MTUS1: variants seen among roughly 807,000 people sequenced by gnomAD.
The protein encoded by MTUS1 is microtubule-associated tumor suppressor 1.
Under a neutral mutation model 120.8 loss-of-function variants are expected in MTUS1, and 109 were observed. The observed-to-expected ratio is 0.90, with a 90% CI of 0.77 to 1.06. The LOEUF is 1.06. Ranked by LOEUF, MTUS1 falls within the 50% of genes least tolerant of loss-of-function variation. The pLI, the probability that MTUS1 is intolerant of heterozygous loss-of-function variation, is 0.00. For missense variants in MTUS1, 2,210 were observed against 1,486.3 expected (o/e 1.49, Z -8.01); for synonymous variants, 737 against 550.5 (o/e 1.34, Z -4.74).
chr8:17,684,226 C>T, intron 7 of MTUS1, 102 bp downstream of exon 7: 17 of 809,024 alleles, frequency 2.1e-5, no homozygotes, highest in Non-Finnish European at 3.6e-5. Flanking sequence ...TGATCTTTCC[C>T]ATCATTTACC....
Position 17,721,626 on chromosome 8 carries a change from C to G in MTUS1, c.2449+2046G>C. 5 of 1,416,604 alleles carry G rather than the reference C, an allele frequency of 3.5e-6. No individual in the cohort carries two copies. The South Asian group carries it at 6.4e-5, about 18-fold the overall frequency. 87.8% of individuals were successfully genotyped at this position (1,416,604 alleles called of 1,614,324 possible). A position where few individuals can be genotyped will look rare whatever the true frequency, so the allele number is the denominator to read the frequency against. On this transcript the variant is annotated intron_variant, in intron 4 of 14. Transcript: ENST00000693296. ...TACCATAAATTACAAGTTACAAAAA[C>G]AGAAGTCAAGAGATCCTAAATCAAT...
rs201831729 is a variant in MTUS1, at chr8:17,649,829, T to G, written c.3501+17A>C. On this transcript the variant is annotated intron_variant, in intron 13 of 14. Transcript: ENST00000693296. ...ACCCCATTTGTAAGATCCTCTTTCA[T>G]TCTGAAGGAAACATACCAGTTTCTC... 6.6e-6 allele frequency: 9 copies of G among 1,367,052 alleles called. No individual in the cohort carries two copies. Among genetic ancestry groups the G allele is most frequent in the African/African-American group, 1.4e-5 (1 of 70,048 alleles). The allele number at this position is 1,367,052 out of a possible 1,614,324, so 84.7% of individuals were successfully genotyped here.
intron 1 of MTUS1, among the ~76,000 whole-genome samples, chr8:17,773,604 C>G (rs1313601832): frequency 6.6e-6 from 1 of 152,138 alleles, no homozygotes; most frequent in Admixed American, 6.6e-5. Flanking sequence ...TGGAGAAGGG[C>G]ATCACATAGT....
chr8:17,769,232 CTTT>C (rs35061390), intron 1 of MTUS1, among the ~76,000 whole-genome samples: 14 of 131,258 alleles, frequency 1.1e-4, no homozygotes, highest in Non-Finnish European at 1.1e-4. Flanking sequence ...GCTTTTATTC[CTTT>C]TTTTTTTTTT....
In MTUS1 at chr8:17,713,230, A is replaced by T; in HGVS notation, c.2607T>A (p.Phe869Leu). 6.3e-7 allele frequency: 1 copy of T among 1,598,952 alleles called. No homozygotes were observed. Among genetic ancestry groups the T allele is most frequent in the South Asian group, 1.1e-5 (1 of 89,546 alleles). ...GTCACTCACCTGCATTAAGAGCTGTAAATAAATTTTTTCTCGAAGGACCTA... is the reference window on the plus strand; with the variant it reads ...GTCACTCACCTGCATTAAGAGCTGTTAATAAATTTTTTCTCGAAGGACCTA... ...PPKGPSRKNL[F>L]TALNAVEKSR... Residue 869 changes from phenylalanine to leucine, a missense_variant, in exon 6 of 15, where the codon TTT becomes TTA. Coordinates refer to ENST00000693296, the MANE Select transcript of MTUS1 (RefSeq NM_001363059.2).
At chr8:17,773,361 A>T (rs934313590) in intron 1 of MTUS1, among the ~76,000 whole-genome samples, 37 of 152,190 alleles carry the variant, frequency 2.4e-4, no homozygotes, top group African/African-American at 8.9e-4. Flanking sequence ...CTCTGGGGTT[A>T]CCTGAAACAA....
chr8:17,664,957 A>G (rs1462568538), intron 8 of MTUS1, among the ~76,000 whole-genome samples: 1 of 152,212 alleles, frequency 6.6e-6, no homozygotes, highest in Non-Finnish European at 1.5e-5. Flanking sequence ...ACAAATAGGC[A>G]TGTCCAGTTT....
chr8:17,766,375 A>G (rs1005910542), intron 1 of MTUS1, among the ~76,000 whole-genome samples: 1 of 152,160 alleles, frequency 6.6e-6, no homozygotes, highest in Admixed American at 6.5e-5. Flanking sequence ...GGCCACATAC[A>G]AGTCTCCTTC....
intron 1 of MTUS1, among the ~76,000 whole-genome samples, chr8:17,792,873 G>T (rs532786197): frequency 6.6e-6 from 1 of 152,282 alleles, no homozygotes; most frequent in Non-Finnish European, 1.5e-5. Context: ...AAAAAAATCT[G>T]AAAGCAAAAC....
chr8:17,694,936 G>C (rs1817659414), intron 6 of MTUS1, among the ~76,000 whole-genome samples: 1 of 152,148 alleles, frequency 6.6e-6, no homozygotes, highest in East Asian at 1.9e-4. Flanking sequence ...AGCCGTGTGA[G>C]GTTAGGTGCA....
In MTUS1 at chr8:17,753,913, G is replaced by A. The variant is rs190778203; in HGVS notation, c.1895C>T (p.Ala632Val). Residue 632 changes from alanine to valine, a missense_variant, in exon 2 of 15, where the codon GCG (alanine) becomes GTG (valine). Transcript: ENST00000693296. ...TATGCCTTTGATCTTCTGAAACAAC[G>A]CAGAAACGGACCCGGTCTCGCATGC... ...NSACETGSVSALFQKIKGILP... is the reference protein window; with the variant it reads ...NSACETGSVSVLFQKIKGILP... 4.4e-4 allele frequency: 713 copies of A among 1,614,054 alleles called. No homozygotes were observed. Among genetic ancestry groups the A allele is most frequent in the Non-Finnish European group, 5.5e-4 (653 of 1,180,020 alleles).
At chr8:17,735,890 A>T (rs181677439) in intron 3 of MTUS1, among the ~76,000 whole-genome samples, 1 of 152,352 alleles carries the variant, frequency 6.6e-6, no homozygotes, top group Non-Finnish European at 1.5e-5. Context: ...GGAAATAATG[A>T]GCATACAGCA....
At chr8:17,654,798 C>T in intron 9 of MTUS1, 132 bp from the exon 10 acceptor site, 1 of 653,374 alleles carries the variant, frequency 1.5e-6, no homozygotes, top group South Asian at 1.8e-5. Flanking sequence ...GGCTCCTCAA[C>T]ACATACAAAG....
intron 1 of MTUS1, among the ~76,000 whole-genome samples, chr8:17,786,618 G>A (rs1212427960): frequency 6.6e-6 from 1 of 152,188 alleles, no homozygotes; most frequent in Non-Finnish European, 1.5e-5. Flanking sequence ...GGTGAAATGA[G>A]GATGTGTGAG....
chr8:17,689,005 A>G (rs952643607), intron 6 of MTUS1, among the ~76,000 whole-genome samples: 3 of 152,142 alleles, frequency 2.0e-5, no homozygotes, highest in Admixed American at 2.0e-4. Flanking sequence ...AAGTCACGTG[A>G]TTGAGACCAT....
At chr8:17,744,689 C>CTTTTTTTTTTTTTTTTTTTGTTTTT (rs2047603466) in intron 2 of MTUS1, among the ~76,000 whole-genome samples, 1 of 99,014 alleles carries the variant, frequency 1.0e-5, no homozygotes, top group Non-Finnish European at 2.0e-5. Flanking sequence ...ACCATGTTTT[C>CTTTTTTTTTTTTTTTTTTTGTTTTT]TTTTTTTTTT....
chr8:17,647,927 GGAAC>G (rs1455871078), intron 13 of MTUS1, among the ~76,000 whole-genome samples: 1 of 152,138 alleles, frequency 6.6e-6, no homozygotes, highest in African/African-American at 2.4e-5. Context: ...TGCTTAGTTT[GGAAC>G]CTGATTGTTC....
chr8:17,787,952 T>G (rs1394629466), intron 1 of MTUS1, among the ~76,000 whole-genome samples: 5 of 152,198 alleles, frequency 3.3e-5, no homozygotes, highest in Non-Finnish European at 5.9e-5. Flanking sequence ...AAACCCCACC[T>G]GCACTAAAAA....
intron 3 of MTUS1, among the ~76,000 whole-genome samples, chr8:17,725,161 C>T (rs2046135404): frequency 6.6e-6 from 1 of 152,164 alleles, no homozygotes; most frequent in Admixed American, 6.5e-5. Flanking sequence ...CTACCAGTAC[C>T]ACCTAACTGA....
Sources: allele counts gnomAD v4.1 joint callset (sites outside exome capture counted in the v4.1 genomes callset), GRCh38; gene constraint gnomAD v4.1.1; transcripts MANE v1.5; gene names NCBI Gene and HGNC (gene_info 2026-07-23, HGNC 2026-07-21).